The following ASCC3 variants were observed in gnomAD, a reference collection of about 807,000 sequenced individuals.
The protein encoded by ASCC3 is activating signal cointegrator 1 complex subunit 3, also known as ASC-1 complex subunit P200.
In ASCC3, 158 loss-of-function variants were observed where a neutral mutation model predicts 256.3. That is an observed-to-expected ratio of 0.62 (90% CI 0.54 to 0.70). The LOEUF is 0.70. Ranked by LOEUF, ASCC3 falls within the 30% of genes least tolerant of loss-of-function variation. ASCC3 has a pLI of 0.00. For synonymous variants in ASCC3, 948 were observed against 883.4 expected (o/e 1.07, Z -1.30); for missense variants, 2,259 against 2,626.0 (o/e 0.86, Z 3.05).
At chr6:100,727,649 T>TAACAAAAAC (rs1779698651) in intron 10 of ASCC3, among the ~76,000 whole-genome samples, 1 of 60,478 alleles carries the variant, frequency 1.7e-5, no homozygotes, top group South Asian at 3.7e-4. Flanking sequence ...TCTGGGTTTG[T>TAACAAAAAC]AACAACAACA....
chr6:100,584,270 C>A (rs1324714900), intron 36 of ASCC3, among the ~76,000 whole-genome samples: 1 of 151,208 alleles, frequency 6.6e-6, no homozygotes, highest in African/African-American at 2.4e-5. Context: ...TCTGGGTGCT[C>A]CTGTATTGGG....
chr6:100,655,690 G>A lies in ASCC3; in HGVS notation c.2823+9C>T. 1 of 1,608,722 alleles carries A rather than the reference G, an allele frequency of 6.2e-7. No individual in the cohort carries two copies. The highest frequency in any genetic ancestry group is 8.5e-7 in the Non-Finnish European group (1 of 1,178,542). The stretch of plus-strand genomic sequence containing the variant: ...TCTGAATTTTTTTTTTAATAAATGA[G>A]TTTTCTACCTGATAAGCCTTGTGAC... On this transcript the variant is annotated intron_variant, in intron 17 of 41. Transcript: ENST00000369162.
intron 34 of ASCC3, among the ~76,000 whole-genome samples, chr6:100,598,867 T>C (rs566688983): frequency 2.7e-4 from 41 of 152,138 alleles, no homozygotes; most frequent in Non-Finnish European, 5.1e-4. Context: ...GTTTACAAAG[T>C]AGGCAAAATT....
chr6:100,789,629 T>C (rs1272331648), intron 8 of ASCC3, among the ~76,000 whole-genome samples: 1 of 151,948 alleles, frequency 6.6e-6, no homozygotes, highest in Non-Finnish European at 1.5e-5. Context: ...CAAAGTACAT[T>C]TTACTCAGAA....
chr6:100,751,731 G>A (rs73504925), intron 10 of ASCC3, among the ~76,000 whole-genome samples: 138 of 152,084 alleles, frequency 9.1e-4, no homozygotes, highest in African/African-American at 3.2e-3. Flanking sequence ...CAGCTTACCT[G>A]CTCATTTATA....
intron 10 of ASCC3, among the ~76,000 whole-genome samples, chr6:100,728,827 G>GA (rs745527141): frequency 9.9e-5 from 15 of 152,096 alleles, no homozygotes; most frequent in Non-Finnish European, 2.2e-4. Flanking sequence ...GATGGCCTAT[G>GA]ATTAATCTCA....
chr6:100,650,326 A>C (rs934290687), intron 20 of ASCC3, among the ~76,000 whole-genome samples: 1 of 151,732 alleles, frequency 6.6e-6, no homozygotes, highest in African/African-American at 2.4e-5. Context: ...TCACCAAAAA[A>C]AGCCCTATCA....
In ASCC3 at chr6:100,800,352, C is replaced by A. The variant is rs1437600391; in HGVS notation, c.1075G>T (p.Glu359Ter). 1 of 1,612,938 alleles carries A rather than the reference C, an allele frequency of 6.2e-7. No homozygotes were observed. Residue 359 changes from glutamate to a stop codon, truncating the protein, a stop_gained, in exon 6 of 42, where the codon GAA becomes TAA. Coordinates refer to ENST00000369162, the MANE Select transcript of ASCC3 (RefSeq NM_006828.4). LOFTEE classifies it high-confidence loss of function. ...AAGCACATAAGTCCTTCTGAAACTT[C>A]TAAATCTTCTCCAGCCTTTTTTTCT... Reference protein sequence around the residue: ...RREKKAGEDLEVSEGLMCFDP... With the variant: ...RREKKAGEDL
chr6:100,623,764 C>A (rs971639763), intron 30 of ASCC3, among the ~76,000 whole-genome samples: 4 of 151,966 alleles, frequency 2.6e-5, no homozygotes, highest in African/African-American at 9.7e-5. Flanking sequence ...TATATTAAAT[C>A]TATAGAGAGG....
rs145632798 is a variant in ASCC3, at chr6:100,572,165, T to C, written c.5550+17469A>G. ...CTCCCAGTGTGATGGTGTTTGGAAGTGGGGGCTTTGGGGAGGGGGTGATTA... is the reference window on the plus strand; with the variant it reads ...CTCCCAGTGTGATGGTGTTTGGAAGCGGGGGCTTTGGGGAGGGGGTGATTA... On this transcript the variant is annotated intron_variant, in intron 36 of 41. Transcript: ENST00000369162. Among the ~76,000 whole-genome samples the C allele has an allele frequency of 4.0e-3, 613 of 152,150 alleles. 5 individuals are homozygous for C. The highest frequency in any genetic ancestry group is 0.014 in the Middle Eastern group (4 of 294).
intron 34 of ASCC3, among the ~76,000 whole-genome samples, chr6:100,601,585 T>G (rs552804634): frequency 6.6e-6 from 1 of 152,186 alleles, no homozygotes; most frequent in South Asian, 2.1e-4. Context: ...CTCCTCAGGA[T>G]GGCTTAAGGT....
chr6:100,759,458 G>A, intron 10 of ASCC3, among the ~76,000 whole-genome samples: 1 of 152,070 alleles, frequency 6.6e-6, no homozygotes. Context: ...TCTGCATATG[G>A]CTAGCCAGTT....
At chr6:100,556,200 A>G (rs758842479) in intron 36 of ASCC3, among the ~76,000 whole-genome samples, 3 of 152,154 alleles carry the variant, frequency 2.0e-5, no homozygotes, top group Non-Finnish European at 4.4e-5. Flanking sequence ...AACCTTTCTA[A>G]TGTGTTTAAT....
chr6:100,672,567 C>T (rs905019027), intron 14 of ASCC3, among the ~76,000 whole-genome samples: 2 of 152,030 alleles, frequency 1.3e-5, no homozygotes, highest in Non-Finnish European at 2.9e-5. Context: ...AACAGATGTA[C>T]TATACATTCA....
At chr6:100,532,409 T>A (rs1333239204) in intron 37 of ASCC3, among the ~76,000 whole-genome samples, 659 of 37,624 alleles carry the variant, frequency 0.018, 1 homozygote, top group East Asian at 0.029. Context: ...TATATATATT[T>A]TTTTTTTTTT....
At chr6:100,810,369 T>C (rs1770402503) in intron 4 of ASCC3, among the ~76,000 whole-genome samples, 1 of 152,160 alleles carries the variant, frequency 6.6e-6, no homozygotes, top group South Asian at 2.1e-4. Flanking sequence ...TTAAACAGCA[T>C]ACAAAGATTT....
intron 36 of ASCC3, among the ~76,000 whole-genome samples, chr6:100,567,400 T>C (rs1052837251): frequency 6.6e-6 from 1 of 152,166 alleles, no homozygotes. Flanking sequence ...TTTCATTGCA[T>C]AGATGTACCT....
intron 8 of ASCC3, among the ~76,000 whole-genome samples, chr6:100,793,878 A>C (rs1199765606): frequency 1.3e-5 from 2 of 152,004 alleles, no homozygotes; most frequent in Admixed American, 6.6e-5. Flanking sequence ...CTGTATGCTG[A>C]ACATGCACAA....
chr6:100,589,138 A>C (rs182476262), intron 36 of ASCC3, among the ~76,000 whole-genome samples: 7 of 152,090 alleles, frequency 4.6e-5, no homozygotes, highest in Non-Finnish European at 1.0e-4. Context: ...TTACCATGTG[A>C]TATATCTGTG....
Sources: gnomAD v4.1 joint callset for allele counts (sites outside exome capture counted in the v4.1 genomes callset) on GRCh38, gnomAD v4.1.1 for gene constraint, MANE v1.5 for transcripts, NCBI Gene and HGNC (gene_info 2026-07-23, HGNC 2026-07-21) for gene names.